The following PRKN variants were observed in gnomAD, a reference collection of about 807,000 sequenced individuals.
PRKN encodes the protein parkin RBR E3 ubiquitin protein ligase.
Under a neutral mutation model 59.5 loss-of-function variants are expected in PRKN, and 56 were observed. The ratio of observed to expected loss-of-function variants is 0.94; its 90% CI spans 0.76 to 1.18. The LOEUF (loss-of-function observed/expected upper bound fraction) is 1.18. PRKN is among the 50% of genes most tolerant of loss of function. PRKN has a pLI of 0.00. For synonymous variants in PRKN, 250 were observed against 222.1 expected, an observed-to-expected ratio of 1.13 and a Z score of -1.12; for missense variants, 657 against 596.4, an observed-to-expected ratio of 1.10 and a Z score of -1.06.
intron 6 of PRKN, among the ~76,000 whole-genome samples, chr6:161,798,487 A>G (rs1388855727): frequency 2.0e-5 from 3 of 152,230 alleles, no homozygotes; most frequent in Admixed American, 6.5e-5. Flanking sequence ...GCCATCTTCA[A>G]TTTATATGAT....
intron 5 of PRKN, among the ~76,000 whole-genome samples, chr6:161,984,959 A>C (rs895690834): frequency 2.6e-5 from 4 of 152,074 alleles, no homozygotes; most frequent in Non-Finnish European, 4.4e-5. Context: ...TCTCAGGGGA[A>C]ACTGGATCGG....
rs9347575 is a variant in PRKN at position 161,990,400 on chromosome 6, T to C, written c.619-16983A>G. On this transcript the variant is annotated intron_variant, in intron 5 of 11. Transcript: ENST00000366898. ...CATCTGTAGAAAAAAGTAGTCTTTTTCTAAAAAAGCCAATCCATAAAATTG... is the reference window on the plus strand; with the variant it reads ...CATCTGTAGAAAAAAGTAGTCTTTTCCTAAAAAAGCCAATCCATAAAATTG... 0.05 allele frequency among the ~76,000 whole-genome samples: 7,566 copies of C among 152,124 alleles called. 951 individuals carry two copies. In the East Asian group the frequency reaches 0.53, roughly 11 times the overall value.
chr6:162,391,390 G>A lies in PRKN; in HGVS notation c.171+51920C>T, dbSNP rs1252906740. On this transcript the variant is annotated intron_variant, in intron 2 of 11. Transcript: ENST00000366898. ...AATTTTCTTACTGCGCATGCTTGAC[G>A]TGGATTTCGAACATCTGCAATGACT... Among the ~76,000 whole-genome samples, 4 of 149,804 alleles carry A rather than the reference G, an allele frequency of 2.7e-5. No individual in the cohort carries two copies. In the South Asian group the frequency reaches 8.5e-4, roughly 32 times the overall value.
At chr6:161,492,857 A>AG (rs533339767) in intron 9 of PRKN, among the ~76,000 whole-genome samples, 81 of 152,306 alleles carry the variant, frequency 5.3e-4, no homozygotes, top group Middle Eastern at 6.8e-3. Context: ...ATCTGAGTAG[A>AG]GGCTGGTGAT....
intron 5 of PRKN, among the ~76,000 whole-genome samples, chr6:162,047,942 A>G (rs142225659): frequency 3.6e-4 from 55 of 152,346 alleles, no homozygotes; most frequent in Non-Finnish European, 7.3e-4. Context: ...AGTAAGATGA[A>G]AACACTCTAT....
intron 7 of PRKN, among the ~76,000 whole-genome samples, chr6:161,585,663 A>G (rs1200008782): frequency 6.6e-6 from 1 of 152,246 alleles, no homozygotes; most frequent in Non-Finnish European, 1.5e-5. Flanking sequence ...ATTTTAAGAC[A>G]CAAAGGGATG....
At chr6:161,505,344 T>G (rs1020933750) in intron 9 of PRKN, among the ~76,000 whole-genome samples, 2 of 139,250 alleles carry the variant, frequency 1.4e-5, no homozygotes, top group Non-Finnish European at 3.1e-5. Flanking sequence ...TGTCTGTTCA[T>G]GTCCTTTGCC....
chr6:161,654,618 TG>T (rs897970793), intron 7 of PRKN, among the ~76,000 whole-genome samples: 2 of 152,164 alleles, frequency 1.3e-5, no homozygotes, highest in African/African-American at 4.8e-5. Context: ...CCCAGGGCAG[TG>T]GGGCTTTTAA....
At chr6:162,379,257 T>C (rs1786295664) in intron 2 of PRKN, among the ~76,000 whole-genome samples, 1 of 152,052 alleles carries the variant, frequency 6.6e-6, no homozygotes, top group Non-Finnish European at 1.5e-5. Flanking sequence ...TTTACAAAGG[T>C]CTCATCACTC....
chr6:161,813,426 G>T (rs552719729), intron 6 of PRKN, among the ~76,000 whole-genome samples: 1 of 152,306 alleles, frequency 6.6e-6, no homozygotes, highest in Admixed American at 6.5e-5. Flanking sequence ...GGGACTCGGG[G>T]TAGCTGAGTT....
At position 161,785,922 on chromosome 6, in the gene PRKN, G is replaced by C. The variant is rs200157467; in HGVS notation, c.735-14C>G. On this transcript the variant is annotated splice_polypyrimidine_tract_variant and intron_variant, in intron 6 of 11. Coordinates refer to ENST00000366898, the MANE Select transcript of PRKN (RefSeq NM_004562.3). ...AGGACGGGGCTCCTGCAGAGAGAAAGGAAGATGTTTCCTCTAGTACCTGTC... is the reference window on the plus strand; with the variant it reads ...AGGACGGGGCTCCTGCAGAGAGAAACGAAGATGTTTCCTCTAGTACCTGTC... The C allele has an allele frequency of 7.9e-5, 127 of 1,613,818 alleles. No homozygotes were observed. The highest frequency in any genetic ancestry group is 1.8e-4 in the Admixed American group (11 of 59,976).
chr6:162,201,171 T>C lies in PRKN; in HGVS notation c.494A>G (p.Gln165Arg). The C allele has an allele frequency of 6.2e-7, 1 of 1,614,188 alleles. No homozygotes were observed. Among genetic ancestry groups the C allele is most frequent in the Non-Finnish European group, 8.5e-7 (1 of 1,180,012 alleles). Residue 165 changes from glutamine (Q) to arginine (R), a missense_variant, in exon 4 of 12, where the codon CAG becomes CGG. By Grantham distance (43) the Gln-to-Arg change is conservative. Transcript: ENST00000366898. ...CGTTGCCTGCCTGCAGGTGCTGCACTGTACCCTGAGTTTTCCCGGCTGCAC... is the reference window on the plus strand; with the variant it reads ...CGTTGCCTGCCTGCAGGTGCTGCACCGTACCCTGAGTTTTCCCGGCTGCAC... ...QRVQPGKLRVQCSTCRQATLT... is the reference protein window; with the variant it reads ...QRVQPGKLRVRCSTCRQATLT...
At chr6:161,421,026 C>T (rs1788080068) in intron 9 of PRKN, among the ~76,000 whole-genome samples, 1 of 152,064 alleles carries the variant, frequency 6.6e-6, no homozygotes. Context: ...AGACAGGGAG[C>T]ACAAAAGGAC....
chr6:162,044,681 T>C (rs917237093), intron 5 of PRKN, among the ~76,000 whole-genome samples: 3 of 152,174 alleles, frequency 2.0e-5, no homozygotes, highest in African/African-American at 4.8e-5. Flanking sequence ...ACGGAATGCA[T>C]GAACCTTAAT....
At chr6:162,390,375 GTATATA>G (rs369827763) in intron 2 of PRKN, among the ~76,000 whole-genome samples, 2 of 98,838 alleles carry the variant, frequency 2.0e-5, no homozygotes, top group Admixed American at 1.0e-4. Context: ...TACTGCTAAG[GTATATA>G]TATATATATA....
chr6:162,262,109 A>C (rs1280801604), intron 3 of PRKN, among the ~76,000 whole-genome samples: 2 of 152,226 alleles, frequency 1.3e-5, no homozygotes, highest in Non-Finnish European at 2.9e-5. Flanking sequence ...TAACTAAACA[A>C]TAACAATCTT....
chr6:161,776,584 C>G (rs76452850), intron 7 of PRKN, among the ~76,000 whole-genome samples: 5,934 of 152,210 alleles, frequency 0.039, 381 homozygotes, highest in African/African-American at 0.13. Context: ...CAGAGTAGTT[C>G]TTAAATATTT....
chr6:162,581,999 A>G (rs1426113362), intron 1 of PRKN, among the ~76,000 whole-genome samples: 1 of 152,196 alleles, frequency 6.6e-6, no homozygotes, highest in Non-Finnish European at 1.5e-5. Context: ...AAAGCCAAAA[A>G]TTTAAACAGA....
At chr6:162,144,500 T>C (rs1022791826) in intron 4 of PRKN, among the ~76,000 whole-genome samples, 6 of 152,118 alleles carry the variant, frequency 3.9e-5, no homozygotes, top group Non-Finnish European at 7.4e-5. Context: ...TGTCAGAAGA[T>C]CAGCTGGTGT....
Sources: allele counts gnomAD v4.1 joint callset (sites outside exome capture counted in the v4.1 genomes callset), GRCh38; gene constraint gnomAD v4.1.1; transcripts MANE v1.5; gene names NCBI Gene and HGNC (gene_info 2026-07-23, HGNC 2026-07-21).